SLC30A6: variants seen among roughly 807,000 people sequenced by gnomAD.
The protein encoded by SLC30A6 is zinc transporter 6.
In SLC30A6, 55 loss-of-function variants were observed where a neutral mutation model predicts 63.0. The observed-to-expected ratio is 0.87, with a 90% CI of 0.70 to 1.09. The LOEUF (loss-of-function observed/expected upper bound fraction) is 1.09. SLC30A6 is among the 50% of genes least tolerant of loss of function. SLC30A6 has a pLI of 0.00. For synonymous variants in SLC30A6, 224 were observed against 186.1 expected (o/e 1.20, Z -1.66); for missense variants, 587 against 549.2 (o/e 1.07, Z -0.69).
At chr2:32,171,195 T>C (rs1681168521) in intron 1 of SLC30A6, 92 bp from the exon 2 acceptor site, 18 of 994,352 alleles carry the variant, frequency 1.8e-5, no homozygotes, top group Non-Finnish European at 2.8e-5. Flanking sequence ...AAATATTGGT[T>C]ATTTATATCA....
At chr2:32,172,055 A>G (rs957712569) in intron 2 of SLC30A6, among the ~76,000 whole-genome samples, 2 of 152,190 alleles carry the variant, frequency 1.3e-5, no homozygotes, top group African/African-American at 4.8e-5. Flanking sequence ...AAATAAAAAG[A>G]TGTAATTGCC....
intron 11 of SLC30A6, among the ~76,000 whole-genome samples, chr2:32,205,662 C>CTT (rs745414068): frequency 0.059 from 5,087 of 86,770 alleles, 349 homozygotes; most frequent in Non-Finnish European, 0.068. Context: ...AATGTTACTT[C>CTT]TTTTTTTTTT....
chr2:32,196,162 A>C (rs1683768421), intron 8 of SLC30A6, among the ~76,000 whole-genome samples: 1 of 152,138 alleles, frequency 6.6e-6, no homozygotes, highest in African/African-American at 2.4e-5. Context: ...AAAAATTATA[A>C]AAATTAGCCG....
chr2:32,213,598 T>G (rs1196392946), intron 13 of SLC30A6, among the ~76,000 whole-genome samples: 1 of 152,146 alleles, frequency 6.6e-6, no homozygotes, highest in Non-Finnish European at 1.5e-5. Flanking sequence ...GGTACTAGGT[T>G]ACTTTCTTTG....
chr2:32,206,481 T>C (rs1684787084), intron 11 of SLC30A6, among the ~76,000 whole-genome samples: 1 of 151,404 alleles, frequency 6.6e-6, no homozygotes, highest in Non-Finnish European at 1.5e-5. Context: ...GATGTGCGTG[T>C]AAGCACTGTG....
At chr2:32,200,244 T>C (rs374996203) in intron 10 of SLC30A6, among the ~76,000 whole-genome samples, 3 of 152,182 alleles carry the variant, frequency 2.0e-5, no homozygotes, top group African/African-American at 7.2e-5. Flanking sequence ...CTTCTAGTTT[T>C]CATTCTTATC....
chr2:32,176,259 A>T (rs1450853985), intron 4 of SLC30A6, among the ~76,000 whole-genome samples: 3 of 152,166 alleles, frequency 2.0e-5, no homozygotes, highest in Non-Finnish European at 2.9e-5. Flanking sequence ...AATTAAAATT[A>T]CTCTGAGATG....
intron 13 of SLC30A6, among the ~76,000 whole-genome samples, chr2:32,209,852 C>G (rs1047588126): frequency 2.0e-5 from 3 of 151,986 alleles, no homozygotes; most frequent in African/African-American, 7.3e-5. Flanking sequence ...TTCCATCAAA[C>G]ATGTTAATGA....
intron 13 of SLC30A6, among the ~76,000 whole-genome samples, chr2:32,213,829 A>C (rs1685470606): frequency 9.6e-6 from 1 of 104,236 alleles, no homozygotes; most frequent in Non-Finnish European, 1.8e-5. Context: ...TTTGAGACGG[A>C]GTCTCACACT....
At position 32,184,322 on chromosome 2, in the gene SLC30A6, C is replaced by T. The variant is rs761870694; in HGVS notation, c.268C>T (p.Pro90Ser). The T allele has an allele frequency of 6.1e-5, 91 of 1,500,142 alleles. No individual in the cohort carries two copies. Among genetic ancestry groups the T allele is most frequent in the Middle Eastern group, 3.6e-4 (2 of 5,620 alleles). 92.9% of individuals were successfully genotyped at this position (1,500,142 alleles called of 1,614,324 possible). Residue 90 changes from proline (P) to serine (S), a missense_variant, in exon 5 of 14, where the codon CCT becomes TCT. By Grantham distance (74) the Pro-to-Ser change is moderately conservative. Coordinates refer to ENST00000282587, the MANE Select transcript of SLC30A6 (RefSeq NM_017964.5). ...SYWVTLRKPS[P>S]VYSFGFERLE... The stretch of plus-strand genomic sequence containing the variant: ...CTGGGTAACATTGAGGAAACCTAGC[C>T]CTGTCTATTCATTTGGGTAAGTTCA...
chr2:32,204,493 A>C, intron 10 of SLC30A6, 97 bp from the exon 11 acceptor site: 1 of 654,610 alleles, frequency 1.5e-6, no homozygotes, highest in South Asian at 2.4e-5. Context: ...CCTGTTGCTC[A>C]GTCCTGTTGC....
At chr2:32,192,807 T>G in intron 6 of SLC30A6, 111 bp from the exon 7 acceptor site, 1 of 636,770 alleles carries the variant, frequency 1.6e-6, no homozygotes, top group Non-Finnish European at 2.5e-6. Context: ...AGTTAATAGT[T>G]ATAATATTAA....
chr2:32,183,804 A>T (rs1682568334), intron 4 of SLC30A6, among the ~76,000 whole-genome samples: 1 of 152,198 alleles, frequency 6.6e-6, no homozygotes, highest in African/African-American at 2.4e-5. Context: ...TTTACAGTGA[A>T]TCTACTATAG....
chr2:32,169,762 TG>T (rs1681027668), intron 1 of SLC30A6, among the ~76,000 whole-genome samples: 2 of 152,324 alleles, frequency 1.3e-5, no homozygotes, highest in South Asian at 4.1e-4. Flanking sequence ...CAAAAGCAGC[TG>T]GAACTGAGGT....
intron 12 of SLC30A6, among the ~76,000 whole-genome samples, chr2:32,208,175 G>T (rs1453673470): frequency 5.9e-4 from 89 of 151,004 alleles, no homozygotes; most frequent in Non-Finnish European, 7.4e-5. Context: ...CTATCACCCA[G>T]GCTGGGGTGC....
intron 4 of SLC30A6, among the ~76,000 whole-genome samples, chr2:32,183,313 C>T (rs1262227754): frequency 6.6e-6 from 1 of 152,128 alleles, no homozygotes; most frequent in East Asian, 1.9e-4. Context: ...TTCATGGAGC[C>T]TTTCATATTT....
chr2:32,168,513 C>G (rs1404140477), intron 1 of SLC30A6, among the ~76,000 whole-genome samples: 1 of 151,556 alleles, frequency 6.6e-6, no homozygotes, highest in African/African-American at 2.4e-5. Flanking sequence ...ACTAAAATTA[C>G]AAAGCAATGT....
At chr2:32,217,471 C>A (rs994351371) in intron 13 of SLC30A6, among the ~76,000 whole-genome samples, 3 of 152,080 alleles carry the variant, frequency 2.0e-5, no homozygotes, top group Admixed American at 1.3e-4. Context: ...GTTACTGTAG[C>A]CTTATAGTTT....
intron 2 of SLC30A6, among the ~76,000 whole-genome samples, chr2:32,172,293 T>C (rs1169496046): frequency 6.6e-6 from 1 of 152,204 alleles, no homozygotes; most frequent in Non-Finnish European, 1.5e-5. Flanking sequence ...AACTCTGCCA[T>C]ATTTTCACTA....
Sources: allele counts gnomAD v4.1 joint callset (sites outside exome capture counted in the v4.1 genomes callset), GRCh38; gene constraint gnomAD v4.1.1; transcripts MANE v1.5; gene names NCBI Gene and HGNC (gene_info 2026-07-23, HGNC 2026-07-21).